The following CDC14B variants were observed in gnomAD, a reference collection of about 807,000 sequenced individuals.
CDC14B encodes cell division cycle 14B.
Under a neutral mutation model 64.2 loss-of-function variants are expected in CDC14B, and 22 were observed. That is an observed-to-expected ratio of 0.34 (90% CI 0.24 to 0.49). The LOEUF is 0.49. Among genes scored for constraint, CDC14B ranks in the 20% least tolerant of loss-of-function variants. The pLI is 0.99. For missense variants in CDC14B, 498 were observed against 629.9 expected (o/e 0.79, Z 2.24); for synonymous variants, 191 against 215.8 (o/e 0.89, Z 1.01).
At chr9:96,606,399 T>C (rs1021032627) in intron 1 of CDC14B, among the ~76,000 whole-genome samples, 4 of 150,036 alleles carry the variant, frequency 2.7e-5, no homozygotes, top group Non-Finnish European at 5.9e-5. Flanking sequence ...AACTAAGAGT[T>C]CCAGCCAGGT....
At chr9:96,548,027 G>C (rs1236183168) in intron 5 of CDC14B, among the ~76,000 whole-genome samples, 1 of 151,922 alleles carries the variant, frequency 6.6e-6, no homozygotes, top group African/African-American at 2.4e-5. Context: ...GGGTTTCACC[G>C]TGTTAGCCAG....
chr9:96,544,598 G>C (rs756215794), intron 5 of CDC14B, among the ~76,000 whole-genome samples: 3 of 152,096 alleles, frequency 2.0e-5, no homozygotes, highest in Non-Finnish European at 4.4e-5. Context: ...GGGCTAAAGC[G>C]ATCCTCCCAC....
downstream of CDC14B, among the ~76,000 whole-genome samples, chr9:96,495,562 A>G (rs1172110028): frequency 6.6e-6 from 1 of 152,212 alleles, no homozygotes; most frequent in Admixed American, 6.5e-5. Flanking sequence ...CGTTTCAAGT[A>G]TCTGAGACAA....
chr9:96,554,327 C>T (rs1177037310), intron 4 of CDC14B, among the ~76,000 whole-genome samples: 1 of 152,076 alleles, frequency 6.6e-6, no homozygotes, highest in South Asian at 2.1e-4. Flanking sequence ...TTTCTAAGGC[C>T]TTCTCTCAAA....
intron 12 of CDC14B, among the ~76,000 whole-genome samples, chr9:96,520,740 C>A (rs556241705): frequency 1.4e-4 from 21 of 152,248 alleles, no homozygotes; most frequent in Non-Finnish European, 2.8e-4. Flanking sequence ...CATCAGTTTC[C>A]TAGGGCTTGC....
intron 1 of CDC14B, among the ~76,000 whole-genome samples, chr9:96,617,861 G>A (rs1236384522): frequency 6.6e-6 from 1 of 152,084 alleles, no homozygotes; most frequent in Non-Finnish European, 1.5e-5. Context: ...AAACAATAAC[G>A]GGCAGAAACT....
chr9:96,552,682 G>A (rs1347724892), intron 4 of CDC14B, among the ~76,000 whole-genome samples: 1 of 152,064 alleles, frequency 6.6e-6, no homozygotes, highest in African/African-American at 2.4e-5. Context: ...CTAGAAATCT[G>A]CAGTTTGAGA....
chr9:96,532,853 C>T (rs1270225188), intron 9 of CDC14B, among the ~76,000 whole-genome samples: 2 of 152,090 alleles, frequency 1.3e-5, no homozygotes, highest in Admixed American at 6.6e-5. Context: ...CTTCATAAAT[C>T]GTTTCCTTGA....
rs1009807452 is a variant in CDC14B at position 96,536,120 on chromosome 9, T to C, written c.628-1578A>G. Among the ~76,000 whole-genome samples, 4 of 152,234 alleles carry C rather than the reference T, an allele frequency of 2.6e-5. No homozygotes were observed. In the East Asian group the frequency reaches 5.8e-4, roughly 22 times the overall value. On this transcript the variant is annotated intron_variant, in intron 7 of 13. Coordinates refer to ENST00000375241, the MANE Select transcript of CDC14B (RefSeq NM_033331.4). Reference sequence around the variant, plus strand: ...CTGAAATAGGAAAAAATGGGCATTGTAGAATCAATGAATGACACTATCCCC... The same window carrying C: ...CTGAAATAGGAAAAAATGGGCATTGCAGAATCAATGAATGACACTATCCCC...
At chr9:96,507,007 T>C (rs947117979) in intron 13 of CDC14B, among the ~76,000 whole-genome samples, 5 of 152,328 alleles carry the variant, frequency 3.3e-5, no homozygotes, top group South Asian at 4.1e-4. Context: ...AACAAAAGCC[T>C]GAGCGGCCGG....
At position 96,618,423 on chromosome 9, in the gene CDC14B, T is replaced by C. The variant is rs1275679154; in HGVS notation, c.160+796A>G. ...CCCAGCAAACCTAACAGCTGCCAAA[T>C]TGGATTTATGAGTCTCCAAGAACAG... On this transcript the variant is annotated intron_variant, in intron 1 of 13. Coordinates refer to ENST00000375241, the MANE Select transcript of CDC14B (RefSeq NM_033331.4). 1.6e-5 allele frequency: 8 copies of C among 515,852 alleles called. No individual in the cohort carries two copies. The East Asian group carries it at 3.9e-4, about 25-fold the overall frequency. The allele number at this position is 515,852 out of a possible 1,614,324, so 32.0% of individuals were successfully genotyped here.
intron 13 of CDC14B, among the ~76,000 whole-genome samples, chr9:96,504,283 A>C (rs1220187779): frequency 6.6e-6 from 1 of 152,102 alleles, no homozygotes; most frequent in African/African-American, 2.4e-5. Flanking sequence ...CACCGAGCAC[A>C]GGAGGCACCC....
At chr9:96,511,968 A>G (rs1460458805) in intron 12 of CDC14B, among the ~76,000 whole-genome samples, 2 of 152,202 alleles carry the variant, frequency 1.3e-5, no homozygotes, top group African/African-American at 4.8e-5. Flanking sequence ...GCCCAAAAGT[A>G]AAAGTAGCTT....
chr9:96,613,387 A>G (rs1377796585), intron 1 of CDC14B, among the ~76,000 whole-genome samples: 1 of 152,198 alleles, frequency 6.6e-6, no homozygotes, highest in Non-Finnish European at 1.5e-5. Flanking sequence ...AGCAATTACA[A>G]TTTGCACTGA....
chr9:96,495,679 AAGAC>A (rs1352576402), downstream of CDC14B, among the ~76,000 whole-genome samples: 7 of 152,242 alleles, frequency 4.6e-5, no homozygotes, highest in East Asian at 3.9e-4. Context: ...GGTGGATAGA[AAGAC>A]AGCAGGAGAA....
chr9:96,593,661 A>G (rs1215461536), intron 1 of CDC14B, among the ~76,000 whole-genome samples: 1 of 152,148 alleles, frequency 6.6e-6, no homozygotes, highest in African/African-American at 2.4e-5. Context: ...ACAAACAAGA[A>G]GAGTTTGGGA....
At chr9:96,495,503 C>A (rs756088292), downstream of CDC14B, among the ~76,000 whole-genome samples, 1 of 152,064 alleles carries the variant, frequency 6.6e-6, no homozygotes, top group Non-Finnish European at 1.5e-5. Flanking sequence ...ACTGGCGGCC[C>A]ACATGGATAC....
chr9:96,527,517 C>A (rs1401370463), intron 9 of CDC14B, among the ~76,000 whole-genome samples: 1 of 152,218 alleles, frequency 6.6e-6, no homozygotes, highest in Non-Finnish European at 1.5e-5. Flanking sequence ...GCATTAAGTA[C>A]ATTCACATTG....
Position 96,562,442 on chromosome 9 carries a change from A to C in CDC14B, c.420+251T>G. 7.2e-6 allele frequency: 3 copies of C among 417,792 alleles called. No individual in the cohort carries two copies. In the South Asian group the frequency reaches 1.3e-4, roughly 18 times the overall value. The allele number at this position is 417,792 out of a possible 1,614,324, so 25.9% of individuals were successfully genotyped here. A position where few individuals can be genotyped will look rare whatever the true frequency, so the allele number is the denominator to read the frequency against. On this transcript the variant is annotated intron_variant, in intron 4 of 13. Coordinates refer to ENST00000375241, the MANE Select transcript of CDC14B (RefSeq NM_033331.4). ...CAAAGTAGTTGGGCACTTTTTAAAA[A>C]AATATAGGCTTTTTTCCCGAGCAGT... is the stretch of plus-strand genomic sequence containing the variant.
Sources: gnomAD v4.1 joint callset for allele counts (sites outside exome capture counted in the v4.1 genomes callset) on GRCh38, gnomAD v4.1.1 for gene constraint, MANE v1.5 for transcripts, NCBI Gene and HGNC (gene_info 2026-07-23, HGNC 2026-07-21) for gene names.